SNTA1: variants seen among roughly 807,000 people sequenced by gnomAD.
SNTA1 encodes alpha-1-syntrophin.
Under a neutral mutation model 47.1 loss-of-function variants are expected in SNTA1, and 31 were observed. The observed-to-expected ratio is 0.66, with a 90% confidence interval of 0.49 to 0.89. The LOEUF is 0.89. Ranked by LOEUF, SNTA1 falls within the 40% of genes least tolerant of loss-of-function variation. The pLI is 0.00. For synonymous variants in SNTA1, 300 were observed against 313.6 expected (o/e 0.96, Z 0.46); for missense variants, 575 against 693.0 (o/e 0.83, Z 1.91).
intron 2 of SNTA1, among the ~76,000 whole-genome samples, chr20:33,420,395 T>C: frequency 6.6e-6 from 1 of 152,240 alleles, no homozygotes; most frequent in Non-Finnish European, 1.5e-5. Flanking sequence ...TTAAACCTCA[T>C]TGAATTGGAT....
intron 2 of SNTA1, among the ~76,000 whole-genome samples, chr20:33,421,781 C>A (rs10470074): frequency 0.43 from 64,612 of 150,734 alleles, 14,617 homozygotes; most frequent in Non-Finnish European, 0.51. Flanking sequence ...CATAGCAAAA[C>A]CTTGTCTCTA....
chr20:33,418,017 G>GT, intron 2 of SNTA1, 94 bp from the exon 3 acceptor site: 1 of 830,320 alleles, frequency 1.2e-6, no homozygotes, highest in Non-Finnish European at 2.0e-6. Flanking sequence ...TAATTTACGT[G>GT]TCACTATTAG....
intron 2 of SNTA1, among the ~76,000 whole-genome samples, chr20:33,424,217 G>C (rs1159596101): frequency 6.7e-6 from 1 of 150,306 alleles, no homozygotes; most frequent in Middle Eastern, 3.2e-3. Flanking sequence ...GGGAGGCTGA[G>C]GCAGGAGAGT....
At chr20:33,438,547 G>C (rs1013778871) in intron 2 of SNTA1, among the ~76,000 whole-genome samples, 4 of 152,158 alleles carry the variant, frequency 2.6e-5, no homozygotes, top group South Asian at 2.1e-4. Flanking sequence ...CTACATCCCT[G>C]TTTTACAAAT....
chr20:33,424,324 A>G (rs996909102), intron 2 of SNTA1, among the ~76,000 whole-genome samples: 2 of 151,718 alleles, frequency 1.3e-5, no homozygotes, highest in South Asian at 4.2e-4. Context: ...CAAAAAAAAA[A>G]AAAGAAAGAA....
chr20:33,413,770 G>GA lies in SNTA1; in HGVS notation c.702-989dup, dbSNP rs544379625. On this transcript the variant is annotated intron_variant, in intron 3 of 7. Transcript: ENST00000217381. ...AAGTGAGACACTCATCTCTAAAAAAGAAAAAAAAATTTTTTTTTTAATTAG... is the reference window on the plus strand; with the variant it reads ...AAGTGAGACACTCATCTCTAAAAAAGAAAAAAAAAATTTTTTTTTTAATTAG... 9.9e-5 allele frequency among the ~76,000 whole-genome samples: 15 copies of GA among 150,814 alleles called. No individual in the cohort carries two copies. The South Asian group carries it at 2.5e-3, about 25-fold the overall frequency.
intron 2 of SNTA1, among the ~76,000 whole-genome samples, chr20:33,429,337 A>T (rs1215227796): frequency 1.3e-5 from 1 of 77,166 alleles, no homozygotes; most frequent in African/African-American, 6.8e-5. Context: ...CTCCACCTAA[A>T]AAAAAAAAAA....
chr20:33,434,879 C>A (rs924698862), intron 2 of SNTA1, among the ~76,000 whole-genome samples: 7 of 150,526 alleles, frequency 4.7e-5, no homozygotes, highest in African/African-American at 1.5e-4. Context: ...CACCTCTGAT[C>A]TAGCCTAACT....
chr20:33,427,434 C>T (rs192754269), intron 2 of SNTA1, among the ~76,000 whole-genome samples: 3 of 152,234 alleles, frequency 2.0e-5, no homozygotes, highest in Admixed American at 1.3e-4. Context: ...TTCCAACAGG[C>T]CCTGGAAGGG....
At position 33,408,445 on chromosome 20, in the gene SNTA1, G is replaced by T. The variant is rs1391605009; in HGVS notation, c.*62C>A. 9.9e-6 allele frequency: 12 copies of T among 1,208,838 alleles called. No homozygotes were observed. Among genetic ancestry groups the T allele is most frequent in the Non-Finnish European group, 1.5e-5 (12 of 814,234 alleles). The allele number at this position is 1,208,838 out of a possible 1,614,324, so 74.9% of individuals were successfully genotyped here. A position where few individuals can be genotyped will look rare whatever the true frequency, so the allele number is the denominator to read the frequency against. On this transcript the variant is annotated 3_prime_UTR_variant, in exon 8 of 8. Coordinates refer to ENST00000217381, the MANE Select transcript of SNTA1 (RefSeq NM_003098.3). ...GCCCAGGGGTGAGCAGGCAGTCGGT[G>T]GAGGCCCAGCTCAGGCCATGTCATG...
chr20:33,432,317 T>TA (rs1391549817), intron 2 of SNTA1, among the ~76,000 whole-genome samples: 3 of 152,180 alleles, frequency 2.0e-5, no homozygotes, highest in African/African-American at 4.8e-5. Flanking sequence ...GAGCTGGCCT[T>TA]AGAGTTCTGA....
At chr20:33,439,303 G>C (rs900669431) in intron 1 of SNTA1, among the ~76,000 whole-genome samples, 3 of 151,942 alleles carry the variant, frequency 2.0e-5, no homozygotes, top group Admixed American at 2.0e-4. Flanking sequence ...CAGGAGTTCA[G>C]GATCAGCCTG....
intron 2 of SNTA1, among the ~76,000 whole-genome samples, chr20:33,425,438 A>G (rs1990146959): frequency 6.6e-6 from 1 of 151,632 alleles, no homozygotes; most frequent in Non-Finnish European, 1.5e-5. Flanking sequence ...GGCAGGGGGA[A>G]TCTTTTGAGC....
chr20:33,421,639 T>A (rs948410173), intron 2 of SNTA1, among the ~76,000 whole-genome samples: 2 of 147,632 alleles, frequency 1.4e-5, no homozygotes, highest in African/African-American at 5.0e-5. Flanking sequence ...AAATAAAAAA[T>A]AATAAAATAA....
At chr20:33,422,964 C>T (rs1219130841) in intron 2 of SNTA1, among the ~76,000 whole-genome samples, 1 of 152,156 alleles carries the variant, frequency 6.6e-6, no homozygotes, top group African/African-American at 2.4e-5. Context: ...CTACGCCTCA[C>T]TCCCCTGTGA....
chr20:33,430,066 AC>A (rs1488451996), intron 2 of SNTA1, among the ~76,000 whole-genome samples: 1 of 152,068 alleles, frequency 6.6e-6, no homozygotes, highest in African/African-American at 2.4e-5. Context: ...ACCACCACAT[AC>A]CAAGCCATAC....
intron 5 of SNTA1, among the ~76,000 whole-genome samples, chr20:33,410,712 C>G (rs544513685): frequency 4.5e-4 from 68 of 152,324 alleles, no homozygotes; most frequent in Middle Eastern, 3.4e-3. Context: ...CAAAATAGCA[C>G]CCTTGTCACT....
intron 1 of SNTA1, among the ~76,000 whole-genome samples, chr20:33,441,903 G>A (rs1031551575): frequency 2.0e-5 from 3 of 152,106 alleles, no homozygotes; most frequent in Non-Finnish European, 4.4e-5. Flanking sequence ...GAGATTGGGG[G>A]TAAGACTGGT....
At chr20:33,425,382 G>A (rs141825963) in intron 2 of SNTA1, among the ~76,000 whole-genome samples, 156 of 152,196 alleles carry the variant, frequency 1.0e-3, no homozygotes, top group African/African-American at 3.3e-3. Context: ...GTCTGGGGCC[G>A]GGCATGGTGG....
Sources: gnomAD v4.1 joint callset for allele counts (sites outside exome capture counted in the v4.1 genomes callset) on GRCh38, gnomAD v4.1.1 for gene constraint, MANE v1.5 for transcripts, NCBI Gene and HGNC (gene_info 2026-07-23, HGNC 2026-07-21) for gene names.